The following LONRF3 variants were observed in gnomAD, a reference collection of about 807,000 sequenced individuals.
LONRF3 encodes LON peptidase N-terminal domain and ring finger 3.
Under a neutral mutation model 51.7 loss-of-function variants are expected in LONRF3, and 19 were observed. The observed-to-expected ratio is 0.37, with a 90% CI of 0.26 to 0.54. The LOEUF (loss-of-function observed/expected upper bound fraction) is 0.54. LONRF3 is among the 20% of genes least tolerant of loss of function. The pLI is 0.86. For synonymous variants in LONRF3, 265 were observed against 257.8 expected (o/e 1.03, Z -0.27); for missense variants, 521 against 623.9 (o/e 0.84, Z 1.76).
intron 5 of LONRF3, among the ~76,000 whole-genome samples, chrX:118,994,745 G>A (rs1003408044): frequency 8.9e-6 from 1 of 111,784 alleles, no homozygotes; most frequent in Non-Finnish European, 1.9e-5. Flanking sequence ...GACAAAGAGG[G>A]ACAGTATATA....
chrX:118,987,314 A>C (rs182390714), intron 3 of LONRF3, among the ~76,000 whole-genome samples: 87 of 110,145 alleles, frequency 7.9e-4, no homozygotes, highest in African/African-American at 2.7e-3. Context: ...GTCTCTTTCT[A>C]TCACCCAGGC....
chrX:118,975,318 C>T lies in LONRF3; in HGVS notation c.538C>T (p.Leu180=), dbSNP rs781551230. ...GTCGTGTGGCCACACCTTTTGTAAA[C>T]TGTGCCTGGAACGTGGGCGGGCCGC... is the stretch of plus-strand genomic sequence containing the variant. The part of the protein sequence containing the change: ...SLSCGHTFCK[L]CLERGRAADR... Residue 180 remains leucine, a synonymous_variant, in exon 1 of 11, where the codon CTG becomes TTG. Transcript: ENST00000371628. 81 of 1,209,198 alleles carry T rather than the reference C, an allele frequency of 6.7e-5. No homozygotes were observed. Among genetic ancestry groups the T allele is most frequent in the Non-Finnish European group, 7.8e-5 (70 of 894,888 alleles).
chrX:119,003,596 T>C (rs1225619958), intron 5 of LONRF3, among the ~76,000 whole-genome samples: 1 of 112,481 alleles, frequency 8.9e-6, no homozygotes, highest in Non-Finnish European at 1.9e-5. Context: ...AGTCTATTTG[T>C]CCTTGTGCTA....
At chrX:118,988,199 G>A (rs1387851843) in intron 3 of LONRF3, among the ~76,000 whole-genome samples, 3 of 111,576 alleles carry the variant, frequency 2.7e-5, no homozygotes, top group Non-Finnish European at 5.6e-5. Flanking sequence ...GAACTTAGAG[G>A]ATCTCCTGAA....
intron 7 of LONRF3, 61 bp downstream of exon 7, chrX:119,009,308 G>A (rs1462398447): frequency 7.5e-6 from 8 of 1,062,659 alleles, no homozygotes; most frequent in Non-Finnish European, 1.0e-5. Context: ...AGCTGAATGT[G>A]CACATTACTT....
At position 119,009,863 on chromosome X, in the gene LONRF3, G is replaced by A. The variant is rs6645536; in HGVS notation, c.1652+616G>A. Among the ~76,000 whole-genome samples, 1,022 of 111,001 alleles carry A rather than the reference G, an allele frequency of 9.2e-3. 14 individuals are homozygous for A. In the East Asian group the frequency reaches 0.11, roughly 11 times the overall value. On this transcript the variant is annotated intron_variant, in intron 7 of 10. Transcript: ENST00000371628. ...TGGCTTACTGCAACCTCCGCCTTCC[G>A]GGTTCAAGCGATTCTCCTGCCTCAG...
chrX:119,014,311 AC>A lies in LONRF3; in HGVS notation c.2080del (p.Leu694SerfsTer16). The A allele has an allele frequency of 8.3e-7, 1 of 1,210,900 alleles. No homozygotes were observed. Among genetic ancestry groups the A allele is most frequent in the Non-Finnish European group, 1.1e-6 (1 of 894,934 alleles). On this transcript the variant is annotated frameshift_variant, in exon 10 of 11. Transcript: ENST00000371628. LOFTEE classifies it high-confidence loss of function. Reference sequence around the variant, plus strand: ...TCAAATTATCCCTAAAGAATCGGATACTCAATCACTTTGGTCCCATGCCGGA... The same window carrying A: ...TCAAATTATCCCTAAAGAATCGGATATCAATCACTTTGGTCCCATGCCGGA... ...SLKLSLKNRI[L>X]NHFGPMPEKD...
intron 1 of LONRF3, chrX:118,976,793 C>G (rs1365644094): frequency 8.8e-6 from 1 of 113,375 alleles, no homozygotes; most frequent in Non-Finnish European, 1.9e-5. Flanking sequence ...CCGTGGGGCG[C>G]GGTGTCTGGC....
intron 5 of LONRF3, among the ~76,000 whole-genome samples, chrX:118,994,426 CAG>C (rs1230715278): frequency 9.3e-6 from 1 of 107,736 alleles, no homozygotes; most frequent in East Asian, 2.9e-4. Context: ...TTTTTTGAGA[CAG>C]AGTCTCCCTC....
intron 1 of LONRF3, 141 bp downstream of exon 1, chrX:118,975,738 G>GT: frequency 3.5e-6 from 1 of 287,577 alleles, no homozygotes; most frequent in East Asian, 9.0e-5. Flanking sequence ...CGGGGTGGGG[G>GT]AGGGGTGATT....
At chrX:119,009,383 A>G in intron 7 of LONRF3, 136 bp downstream of exon 7, 1 of 640,693 alleles carries the variant, frequency 1.6e-6, no homozygotes, top group Non-Finnish European at 2.3e-6. Flanking sequence ...GAGTATTTAC[A>G]CCATGGAAAT....
At chrX:118,986,946 C>A in intron 3 of LONRF3, 5 of 1,154,253 alleles carry the variant, frequency 4.3e-6, no homozygotes, top group Non-Finnish European at 5.7e-6. Context: ...TTTCTTTTCA[C>A]CATCAGTCCC....
rs775027026 is a variant in LONRF3 at position 118,989,395 on chromosome X, T to C, written c.1060-13T>C. ...CTAAGAAGATTCTGATATGTGGCCC[T>C]TTCTTCATCCAGGACAATCTGGAGC... On this transcript the variant is annotated splice_polypyrimidine_tract_variant and intron_variant, in intron 3 of 10. Transcript: ENST00000371628. 8.3e-7 allele frequency: 1 copy of C among 1,208,859 alleles called. No individual in the cohort carries two copies. The highest frequency in any genetic ancestry group is 1.8e-5 in the South Asian group (1 of 56,501).
chrX:118,992,273 C>G (rs746478996), intron 5 of LONRF3, among the ~76,000 whole-genome samples: 4 of 111,310 alleles, frequency 3.6e-5, no homozygotes, highest in Admixed American at 1.9e-4. Context: ...TAGCCTCGGT[C>G]GAGTTCTCAA....
Position 118,981,483 on chromosome X carries a change from C to CAAAA in LONRF3, c.937-1325_937-1322dup, listed in dbSNP as rs10669908. Among the ~76,000 whole-genome samples the CAAAA allele has an allele frequency of 8.8e-3, 669 of 75,993 alleles. 10 individuals are homozygous for CAAAA. The highest frequency in any genetic ancestry group is 0.011 in the African/African-American group (208 of 19,669). The allele number at this position is 75,993 out of a possible 115,157, so 66.0% of individuals were successfully genotyped here. A position where few individuals can be genotyped will look rare whatever the true frequency, so the allele number is the denominator to read the frequency against. On this transcript the variant is annotated intron_variant, in intron 2 of 10. Transcript: ENST00000371628. Reference sequence around the variant, plus strand: ...TGGGTGACAGAGCAAGATTCTATCTCAAAAAAAAAAAAAAAAGAGTATATG... The same window carrying CAAAA: ...TGGGTGACAGAGCAAGATTCTATCTCAAAAAAAAAAAAAAAAAAAAGAGTATATG...
intron 5 of LONRF3, among the ~76,000 whole-genome samples, chrX:119,002,446 T>A (rs754440075): frequency 1.8e-5 from 2 of 112,447 alleles, no homozygotes; most frequent in Non-Finnish European, 3.8e-5. Context: ...TTATTGCATA[T>A]AGGTAAAGTT....
At chrX:119,006,070 T>A (rs1225344603) in intron 5 of LONRF3, 51 bp from the exon 6 acceptor site, 12 of 769,477 alleles carry the variant, frequency 1.6e-5, no homozygotes, top group Non-Finnish European at 2.3e-5. Flanking sequence ...AGTCACTCTT[T>A]TATTTTTGGT....
chrX:119,006,448 T>C (rs1297869713), intron 6 of LONRF3, among the ~76,000 whole-genome samples: 1 of 103,711 alleles, frequency 9.6e-6, no homozygotes, highest in Non-Finnish European at 2.0e-5. Context: ...CCACCCAGGC[T>C]GGAGTGCAGT....
At chrX:118,997,574 C>G (rs950118671) in intron 5 of LONRF3, among the ~76,000 whole-genome samples, 1 of 111,928 alleles carries the variant, frequency 8.9e-6, no homozygotes, top group Admixed American at 9.4e-5. Flanking sequence ...ATTTCATGAC[C>G]GAGAACCGAA....
Sources: allele counts gnomAD v4.1 joint callset (sites outside exome capture counted in the v4.1 genomes callset), GRCh38; gene constraint gnomAD v4.1.1; transcripts MANE v1.5; gene names NCBI Gene and HGNC (gene_info 2026-07-23, HGNC 2026-07-21).